The following COL1A2 variants were observed in gnomAD, a reference collection of about 807,000 sequenced individuals.
COL1A2 encodes the protein collagen alpha-2(I) chain.
A neutral mutation model predicts 174.3 loss-of-function variants in COL1A2; 49 were observed. That is an observed-to-expected ratio of 0.28 (90% CI 0.22 to 0.36). The LOEUF (loss-of-function observed/expected upper bound fraction) is 0.36. Among genes scored for constraint, COL1A2 ranks in the 10% least tolerant of loss-of-function variants. The pLI, the probability that COL1A2 is intolerant of heterozygous loss-of-function variation, is 1.00. For missense variants in COL1A2, 1,438 were observed against 1,822.7 expected (o/e 0.79, Z 3.84); for synonymous variants, 655 against 606.6 (o/e 1.08, Z -1.17).
chr7:94,398,520 T>C (rs1230566963), intron 3 of COL1A2, 124 bp downstream of exon 3: 1 of 367,178 alleles, frequency 2.7e-6, no homozygotes, highest in Non-Finnish European at 4.9e-6. Flanking sequence ...GAATATACAT[T>C]AGCTAAAGCA....
In COL1A2 at chr7:94,430,702, G is replaced by C. The variant is rs1400138046; in HGVS notation, c.*309G>C. 3.0e-6 allele frequency: 1 copy of C among 332,234 alleles called. No homozygotes were observed. The highest frequency in any genetic ancestry group is 5.6e-6 in the Non-Finnish European group (1 of 178,422). The allele number at this position is 332,234 out of a possible 1,614,324, so 20.6% of individuals were successfully genotyped here. A position where few individuals can be genotyped will look rare whatever the true frequency, so the allele number is the denominator to read the frequency against. ...TGAAAAATAAAAACCATAAACATTT[G>C]CACCACTTGTGGCTTTTGAATATCT... On this transcript the variant is annotated 3_prime_UTR_variant, in exon 52 of 52. Coordinates refer to ENST00000297268, the MANE Select transcript of COL1A2 (RefSeq NM_000089.4).
At chr7:94,413,512 C>A (rs769652329) in intron 26 of COL1A2, among the ~76,000 whole-genome samples, 178 bp from the exon 27 acceptor site, 3 of 152,188 alleles carry the variant, frequency 2.0e-5, no homozygotes, top group Admixed American at 6.5e-5. Context: ...TGTACCCACA[C>A]AAATTAAAAA....
chr7:94,416,087 T>C (rs1307599707), intron 30 of COL1A2, among the ~76,000 whole-genome samples: 2 of 152,184 alleles, frequency 1.3e-5, no homozygotes, highest in South Asian at 4.1e-4. Flanking sequence ...ATAACTGGCA[T>C]CTGTTTTTAC....
chr7:94,405,580 C>A (rs1207025187), intron 10 of COL1A2, 93 bp from the exon 11 acceptor site: 5 of 1,253,762 alleles, frequency 4.0e-6, no homozygotes, highest in Non-Finnish European at 5.9e-6. Flanking sequence ...AAAGCTTGAA[C>A]TTTGATGAGA....
At chr7:94,406,455 A>G (rs1791799210) in intron 12 of COL1A2, 152 bp downstream of exon 12, 1 of 646,354 alleles carries the variant, frequency 1.5e-6, no homozygotes, top group African/African-American at 1.8e-5. Flanking sequence ...AAGGATGGGG[A>G]CTATGAGAGT....
rs1411142550 is a variant in COL1A2 at position 94,400,366 on chromosome 7, G to T, written c.225+78G>T. The T allele has an allele frequency of 5.7e-6, 7 of 1,232,598 alleles. No individual in the cohort carries two copies. The East Asian group carries it at 1.4e-4, about 25-fold the overall frequency. The allele number at this position is 1,232,598 out of a possible 1,614,324, so 76.4% of individuals were successfully genotyped here. A position where few individuals can be genotyped will look rare whatever the true frequency, so the allele number is the denominator to read the frequency against. ...TTTATTGTGGAATTTATTTTTAGCAGTTAAGGGATAATTCTTCCATTTGAA... is the reference window on the plus strand; with the variant it reads ...TTTATTGTGGAATTTATTTTTAGCATTTAAGGGATAATTCTTCCATTTGAA... On this transcript the variant is annotated intron_variant, in intron 5 of 51. Coordinates refer to ENST00000297268, the MANE Select transcript of COL1A2 (RefSeq NM_000089.4).
At position 94,420,588 on chromosome 7, in the gene COL1A2, G is replaced by A. The variant is rs1182392034; in HGVS notation, c.2235G>A (p.Gly745=). The A allele has an allele frequency of 6.2e-7, 1 of 1,613,148 alleles. No individual in the cohort carries two copies. The highest frequency in any genetic ancestry group is 8.5e-7 in the Non-Finnish European group (1 of 1,179,652). The part of the protein sequence containing the change: ...PGAKGERGAK[G]PKGENGVVGP... ...CTAAAGGAGAAAGAGGAGCCAAAGG[G>A]CCTAAGGGTGAAAACGGTGTTGTTG... The change falls in exon 37 of 52, where the codon GGG becomes GGA. Residue 745 remains glycine, a synonymous_variant. Transcript: ENST00000297268.
At position 94,424,579 on chromosome 7, in the gene COL1A2, C is replaced by T. The variant is rs1228616388; in HGVS notation, c.2673+136C>T. The T allele has an allele frequency of 2.0e-5, 15 of 741,446 alleles. No homozygotes were observed. In the Admixed American group the frequency reaches 3.2e-4, roughly 16 times the overall value. 45.9% of individuals were successfully genotyped at this position (741,446 alleles called of 1,614,324 possible). On this transcript the variant is annotated intron_variant, in intron 41 of 51. Transcript: ENST00000297268. ...CATGGCATTTTCTTTATACAGATCA[C>T]ATGTCACTTATCTAAGAAGCTTTAA...
intron 12 of COL1A2, among the ~76,000 whole-genome samples, chr7:94,407,256 T>A (rs1267186361): frequency 2.0e-5 from 3 of 152,204 alleles, no homozygotes; most frequent in African/African-American, 7.2e-5. Context: ...AGGGTCCTTA[T>A]GAGGTCTCTT....
At chr7:94,429,108 C>CTTTTTTTTTTTTTTTTTTTTTTTT in intron 50 of COL1A2, 80 bp from the exon 51 acceptor site, 1 of 815,866 alleles carries the variant, frequency 1.2e-6, no homozygotes, top group South Asian at 2.0e-5. Flanking sequence ...CTTTTTTTTT[C>CTTTTTTTTTTTTTTTTTTTTTTTT]TTTTTTTTTT....
intron 24 of COL1A2, 144 bp downstream of exon 24, chr7:94,412,265 G>C: frequency 1.2e-6 from 1 of 807,898 alleles, no homozygotes; most frequent in Non-Finnish European, 2.1e-6. Context: ...GTAATAGATT[G>C]TAATTATGGA....
rs1562905160 is a variant in COL1A2 at position 94,420,405 on chromosome 7, G to A, written c.2148G>A (p.Glu716=). The A allele has an allele frequency of 1.2e-6, 2 of 1,614,200 alleles. No homozygotes were observed. The highest frequency in any genetic ancestry group is 1.1e-5 in the South Asian group (1 of 91,082). The change falls in exon 36 of 52, where the codon GAG becomes GAA. Residue 716 remains glutamate (E), a synonymous_variant. Transcript: ENST00000297268. ...CTCCCACCTAGGGTGAACGTGGTGA[G>A]GTCGGTCCTGCTGGCCCCAATGGAT... ...GPRGSPGERG[E]VGPAGPNGFA...
chr7:94,415,335 C>T, intron 30 of COL1A2, 65 bp downstream of exon 30: 1 of 1,385,128 alleles, frequency 7.2e-7, no homozygotes, highest in South Asian at 1.2e-5. Flanking sequence ...GTAGTGCTTT[C>T]TCCTTAAAGC....
chr7:94,418,692 A>G (rs1792093171), intron 33 of COL1A2, 140 bp downstream of exon 33: 3 of 676,368 alleles, frequency 4.4e-6, no homozygotes, highest in Non-Finnish European at 7.5e-6. Flanking sequence ...TCCTGGGTCT[A>G]TGACTAATAA....
chr7:94,409,514 C>G (rs775227494), intron 17 of COL1A2, 50 bp from the exon 18 acceptor site: 1 of 1,612,964 alleles, frequency 6.2e-7, no homozygotes, highest in Non-Finnish European at 8.5e-7. Context: ...CAAAGAAGAA[C>G]CGAAATATTC....
At chr7:94,403,606 AATAATTCTT>A (rs1791733392) in intron 6 of COL1A2, among the ~76,000 whole-genome samples, 2 of 152,200 alleles carry the variant, frequency 1.3e-5, no homozygotes, top group Non-Finnish European at 2.9e-5. Context: ...AAACCAAATG[AATAATTCTT>A]ATAATTAAAA....
At chr7:94,410,570 G>A in intron 21 of COL1A2, 43 bp downstream of exon 21, 1 of 1,466,898 alleles carries the variant, frequency 6.8e-7, no homozygotes, top group South Asian at 1.2e-5. Context: ...ACCAGAGGCA[G>A]ATTATGATAC....
Position 94,405,220 on chromosome 7 carries a change from C to G in COL1A2, c.454C>G (p.Arg152Gly). 1.9e-6 allele frequency: 3 copies of G among 1,613,920 alleles called. No homozygotes were observed. The highest frequency in any genetic ancestry group is 2.5e-6 in the Non-Finnish European group (3 of 1,179,926). ...TTAGGGTCACCCTGGAAAACCCGGA[C>G]GACCTGGTGAGAGAGGAGTTGTTGG... Reference protein sequence around the residue: ...GEDGHPGKPGRPGERGVVGPQ... With the variant: ...GEDGHPGKPGGPGERGVVGPQ... The change falls in exon 10 of 52, where the codon CGA becomes GGA. Residue 152 changes from arginine to glycine, a missense_variant. Coordinates refer to ENST00000297268, the MANE Select transcript of COL1A2 (RefSeq NM_000089.4).
intron 34 of COL1A2, among the ~76,000 whole-genome samples, chr7:94,419,815 T>C (rs1792117117): frequency 6.6e-6 from 1 of 152,196 alleles, no homozygotes; most frequent in Non-Finnish European, 1.5e-5. Context: ...ATTAACAATA[T>C]CCTAATGCAC....
Sources: allele counts gnomAD v4.1 joint callset (sites outside exome capture counted in the v4.1 genomes callset), GRCh38; gene constraint gnomAD v4.1.1; transcripts MANE v1.5; gene names NCBI Gene and HGNC (gene_info 2026-07-23, HGNC 2026-07-21).